Variants in RNF4 observed in about 807,000 individuals in gnomAD.
RNF4 encodes ring finger protein 4.
A neutral mutation model predicts 24.3 loss-of-function variants in RNF4; 7 were observed. The ratio of observed to expected loss-of-function variants is 0.29; its 90% CI spans 0.16 to 0.54. RNF4 has a LOEUF of 0.54. Ranked by LOEUF, RNF4 falls within the 20% of genes least tolerant of loss-of-function variation. RNF4 has a pLI of 0.95. For synonymous variants in RNF4, 83 were observed against 84.3 expected (o/e 0.98, Z 0.09); for missense variants, 209 against 248.5 (o/e 0.84, Z 1.07).
chr4:2,476,689 C>G (rs963691443), intron 1 of RNF4, among the ~76,000 whole-genome samples: 2 of 150,516 alleles, frequency 1.3e-5, no homozygotes, highest in African/African-American at 4.9e-5. Flanking sequence ...CCACGTCCAG[C>G]CCTTTTCTTT....
intron 2 of RNF4, among the ~76,000 whole-genome samples, chr4:2,491,062 C>G (rs932632065): frequency 6.6e-6 from 1 of 152,148 alleles, no homozygotes; most frequent in Non-Finnish European, 1.5e-5. Flanking sequence ...GGCAGGATGA[C>G]TGAGTGAGAC....
At chr4:2,511,831 C>T (rs1002181241) in intron 4 of RNF4, 125 bp from the exon 5 acceptor site, 10 of 949,992 alleles carry the variant, frequency 1.1e-5, no homozygotes, top group African/African-American at 1.6e-5. Flanking sequence ...AGGGTGGGGC[C>T]TCTGCTGCTC....
chr4:2,480,263 T>G (rs1735207742), intron 1 of RNF4: 1 of 150,200 alleles, frequency 6.7e-6, no homozygotes, highest in South Asian at 2.1e-4. Flanking sequence ...ATAATTTCAT[T>G]CATTCATTCT....
chr4:2,514,245 AC>A lies in RNF4; in HGVS notation c.*429del, dbSNP rs2108781560. Reference sequence around the variant, plus strand: ...ACATTGACCAAGCCAGACCCGGTTCACCCAGCTCGAGGATCCCAGGTTGAAG... The same window carrying A: ...ACATTGACCAAGCCAGACCCGGTTCACCAGCTCGAGGATCCCAGGTTGAAG... On this transcript the variant is annotated 3_prime_UTR_variant, in exon 8 of 8. Transcript: ENST00000314289. The A allele has an allele frequency of 5.3e-6, 1 of 188,046 alleles. No homozygotes were observed. Among genetic ancestry groups the A allele is most frequent in the Admixed American group, 5.3e-5 (1 of 18,844 alleles). 11.6% of individuals were successfully genotyped at this position (188,046 alleles called of 1,614,324 possible). A position where few individuals can be genotyped will look rare whatever the true frequency, so the allele number is the denominator to read the frequency against.
At chr4:2,470,287 T>C (rs1481162904) in intron 1 of RNF4, among the ~76,000 whole-genome samples, 6 of 152,150 alleles carry the variant, frequency 3.9e-5, no homozygotes, top group Non-Finnish European at 5.9e-5. Flanking sequence ...AAGATTTGGG[T>C]TTTGAATTCA....
intron 2 of RNF4, among the ~76,000 whole-genome samples, 157 bp from the exon 3 acceptor site, chr4:2,496,850 C>T (rs1432384958): frequency 6.6e-6 from 1 of 152,140 alleles, no homozygotes; most frequent in Non-Finnish European, 1.5e-5. Context: ...CGTAAGCATT[C>T]AGTATTCTTG....
chr4:2,481,568 A>G (rs1000937940), intron 1 of RNF4, among the ~76,000 whole-genome samples: 2 of 152,020 alleles, frequency 1.3e-5, no homozygotes, highest in Admixed American at 6.6e-5. Context: ...GATTCTTAGC[A>G]TTACCTTGTG....
At chr4:2,487,280 A>C (rs73076402) in intron 1 of RNF4, among the ~76,000 whole-genome samples, 12,112 of 151,290 alleles carry the variant, frequency 0.08, 1,606 homozygotes, top group African/African-American at 0.28. Flanking sequence ...CTATTTTTTT[A>C]ATGTGTTTTT....
chr4:2,504,611 C>T lies in RNF4; in HGVS notation c.204+3873C>T, dbSNP rs531484788. On this transcript the variant is annotated intron_variant, in intron 4 of 7. Transcript: ENST00000314289. ...TGTTACCCAGGCTGGAGTGCAGTGG[C>T]GTGATCTTGGCTCACTGTAAGCTCT... Among the ~76,000 whole-genome samples, 19 of 151,022 alleles carry T rather than the reference C, an allele frequency of 1.3e-4. No homozygotes were observed. In the South Asian group the frequency reaches 3.3e-3, roughly 26 times the overall value.
At chr4:2,483,289 C>G (rs887885843) in intron 1 of RNF4, among the ~76,000 whole-genome samples, 1 of 152,220 alleles carries the variant, frequency 6.6e-6, no homozygotes, top group Non-Finnish European at 1.5e-5. Context: ...TCAGCGGTCA[C>G]TGGTTCCACA....
At chr4:2,509,583 A>G (rs1305413593) in intron 4 of RNF4, among the ~76,000 whole-genome samples, 4 of 152,122 alleles carry the variant, frequency 2.6e-5, no homozygotes, top group African/African-American at 9.7e-5. Context: ...AAGCGGGGAC[A>G]GTCAGAATTG....
chr4:2,477,132 G>A (rs1478819221), intron 1 of RNF4, among the ~76,000 whole-genome samples: 1 of 152,166 alleles, frequency 6.6e-6, no homozygotes, highest in African/African-American at 2.4e-5. Context: ...AGTGTCCCAA[G>A]TAAATGGGAA....
chr4:2,492,203 A>G (rs1391702264), intron 2 of RNF4, among the ~76,000 whole-genome samples: 3 of 152,046 alleles, frequency 2.0e-5, no homozygotes, highest in Non-Finnish European at 4.4e-5. Context: ...ATCTCAAAAA[A>G]AAAAAAAAGA....
At chr4:2,489,158 C>T (rs530648292) in intron 1 of RNF4, among the ~76,000 whole-genome samples, 20 of 152,270 alleles carry the variant, frequency 1.3e-4, no homozygotes, top group African/African-American at 4.6e-4. Context: ...GAGATGTGCC[C>T]TAATTGCAGT....
chr4:2,512,604 A>G lies in RNF4; in HGVS notation c.374+7A>G, dbSNP rs778423190. 8 of 1,613,346 alleles carry G rather than the reference A, an allele frequency of 5.0e-6. No individual in the cohort carries two copies. Among genetic ancestry groups the G allele is most frequent in the East Asian group, 2.2e-5 (1 of 44,882 alleles). ...AGGGCGCTACAGGCCTCAGGTACCA[A>G]CGTGCCCCCAGCTCTGCTGCCGCCA... On this transcript the variant is annotated splice_region_variant and intron_variant, in intron 6 of 7. Coordinates refer to ENST00000314289, the MANE Select transcript of RNF4 (RefSeq NM_002938.5). The surrounding 1 kb of genome is among the most constrained non-coding windows in gnomAD (Gnocchi z 4.1).
chr4:2,487,681 C>G (rs1054784130), intron 1 of RNF4, among the ~76,000 whole-genome samples: 7 of 152,198 alleles, frequency 4.6e-5, no homozygotes, highest in Non-Finnish European at 1.0e-4. Context: ...TTCAACTTCC[C>G]AAAGTGCTGG....
At chr4:2,488,070 G>A (rs1265465090) in intron 1 of RNF4, among the ~76,000 whole-genome samples, 4 of 152,180 alleles carry the variant, frequency 2.6e-5, no homozygotes, top group South Asian at 2.1e-4. Context: ...CCTTCTCCCC[G>A]CCCTAGATTC....
At chr4:2,480,119 A>C (rs1186580458) in intron 1 of RNF4, 1 of 151,114 alleles carries the variant, frequency 6.6e-6, no homozygotes, top group African/African-American at 2.4e-5. Context: ...CTTTGGTATT[A>C]ATATTTTGTA....
chr4:2,483,803 CA>C lies in RNF4; in HGVS notation c.-157-6525del, dbSNP rs567001773. On this transcript the variant is annotated intron_variant, in intron 1 of 7. Transcript: ENST00000314289. ...TGGGTGACAGAACAAGACTGTGTCT[CA>C]AAAAAAAATTATTTGTTTTTATTGA... Among the ~76,000 whole-genome samples, 488 of 150,246 alleles carry C rather than the reference CA, an allele frequency of 3.2e-3. 1 individual carries two copies. Among genetic ancestry groups the C allele is most frequent in the African/African-American group, 0.011 (461 of 40,998 alleles).
Sources: gnomAD v4.1 joint callset for allele counts (sites outside exome capture counted in the v4.1 genomes callset) on GRCh38, gnomAD v4.1.1 for gene constraint, Gnocchi (gnomAD v3.1) non-coding constraint, MANE v1.5 for transcripts, NCBI Gene and HGNC (gene_info 2026-07-23, HGNC 2026-07-21) for gene names.